The following MYT1L variants were observed in gnomAD, a reference collection of about 807,000 sequenced individuals.
MYT1L encodes myelin transcription factor 1 like.
Under a neutral mutation model 126.7 loss-of-function variants are expected in MYT1L, and 12 were observed. The observed-to-expected ratio is 0.09, with a 90% CI of 0.06 to 0.15. MYT1L has a LOEUF of 0.15. Among genes scored for constraint, MYT1L ranks in the 10% least tolerant of loss-of-function variants. MYT1L has a pLI of 1.00. For missense variants in MYT1L, 979 were observed against 1,585.2 expected (o/e 0.62, Z 6.49); for synonymous variants, 541 against 604.2 (o/e 0.90, Z 1.53).
intron 2 of MYT1L, among the ~76,000 whole-genome samples, chr2:2,201,137 A>T (rs2093054388): frequency 6.6e-6 from 1 of 152,180 alleles, no homozygotes; most frequent in Admixed American, 6.5e-5. Flanking sequence ...GAAAAGACCT[A>T]ACATTGAAAC....
chr2:2,151,518 T>C (rs934208020), intron 3 of MYT1L, among the ~76,000 whole-genome samples: 9 of 152,020 alleles, frequency 5.9e-5, no homozygotes, highest in African/African-American at 1.9e-4. Context: ...GAGTCCAGCA[T>C]TGAAAAATAG....
In MYT1L at chr2:1,934,221, G is replaced by A. The variant is rs193279705; in HGVS notation, c.505+8761C>T. On this transcript the variant is annotated intron_variant, in intron 9 of 24. Transcript: ENST00000647738. ...GATCTCCTGACCTCGTGATCCTCCC[G>A]CCTTGGCCTCCAAAGTGCTGGGATT... Among the ~76,000 whole-genome samples the A allele has an allele frequency of 3.6e-3, 541 of 150,528 alleles. 4 individuals carry two copies. Among genetic ancestry groups the A allele is most frequent in the African/African-American group, 0.013 (516 of 40,874 alleles).
chr2:2,220,932 T>C (rs929969818), intron 2 of MYT1L, among the ~76,000 whole-genome samples: 2 of 152,070 alleles, frequency 1.3e-5, no homozygotes, highest in Non-Finnish European at 2.9e-5. Flanking sequence ...ATTATGGTGA[T>C]GGTTTAAAAG....
At chr2:2,054,615 G>A (rs149035319) in intron 3 of MYT1L, among the ~76,000 whole-genome samples, 565 of 152,116 alleles carry the variant, frequency 3.7e-3, no homozygotes, top group Middle Eastern at 0.014. Flanking sequence ...GAGATGATAA[G>A]ACACATGGAG....
chr2:2,189,363 C>G (rs1041848683), intron 2 of MYT1L, among the ~76,000 whole-genome samples: 1 of 152,196 alleles, frequency 6.6e-6, no homozygotes, highest in Non-Finnish European at 1.5e-5. Flanking sequence ...ACTACATCAT[C>G]TGTGGGGTTG....
intron 18 of MYT1L, among the ~76,000 whole-genome samples, chr2:1,860,104 C>T (rs891815455): frequency 2.6e-5 from 4 of 152,214 alleles, no homozygotes; most frequent in Non-Finnish European, 4.4e-5. Context: ...GCTGCAGGGC[C>T]GAAAGGCGCC....
At chr2:1,835,275 T>G (rs2040731883) in intron 21 of MYT1L, among the ~76,000 whole-genome samples, 1 of 152,214 alleles carries the variant, frequency 6.6e-6, no homozygotes, top group South Asian at 2.1e-4. Flanking sequence ...CCACCTTCAA[T>G]GCACTCAGAA....
chr2:1,946,697 T>G (rs2149284366), intron 8 of MYT1L, among the ~76,000 whole-genome samples: 1 of 152,332 alleles, frequency 6.6e-6, no homozygotes, highest in South Asian at 2.1e-4. Flanking sequence ...AAAATTCATC[T>G]ATAGTCTACA....
At chr2:2,104,208 T>G (rs1269287040) in intron 3 of MYT1L, among the ~76,000 whole-genome samples, 1 of 152,112 alleles carries the variant, frequency 6.6e-6, no homozygotes, top group Non-Finnish European at 1.5e-5. Context: ...ATGCTCAAAA[T>G]GCATGAAATA....
At chr2:2,305,482 G>A (rs2095845738) in intron 1 of MYT1L, among the ~76,000 whole-genome samples, 1 of 152,126 alleles carries the variant, frequency 6.6e-6, no homozygotes, top group African/African-American at 2.4e-5. Flanking sequence ...TAAACAGGGA[G>A]GATTCCTTAT....
At chr2:1,794,623 C>T (rs2033028670) in intron 23 of MYT1L, among the ~76,000 whole-genome samples, 1 of 152,160 alleles carries the variant, frequency 6.6e-6, no homozygotes, top group African/African-American at 2.4e-5. Context: ...TAGATCCATT[C>T]CTCCTTCAAC....
chr2:2,153,387 C>T (rs961035729), intron 3 of MYT1L, among the ~76,000 whole-genome samples: 2 of 152,208 alleles, frequency 1.3e-5, no homozygotes, highest in African/African-American at 2.4e-5. Flanking sequence ...GAAACAGATA[C>T]CACCTGGGGC....
chr2:2,302,343 C>T (rs2095797895), intron 1 of MYT1L, among the ~76,000 whole-genome samples: 1 of 152,038 alleles, frequency 6.6e-6, no homozygotes, highest in African/African-American at 2.4e-5. Flanking sequence ...ATTTTTGGAC[C>T]AATCGATTTA....
intron 2 of MYT1L, among the ~76,000 whole-genome samples, chr2:2,245,903 G>A (rs1480836229): frequency 6.6e-6 from 1 of 152,228 alleles, no homozygotes; most frequent in African/African-American, 2.4e-5. Flanking sequence ...AAGCACACGG[G>A]TGGCCTCTAG....
intron 4 of MYT1L, among the ~76,000 whole-genome samples, chr2:2,018,600 C>T (rs768553712): frequency 9.2e-5 from 14 of 152,192 alleles, no homozygotes; most frequent in Non-Finnish European, 1.8e-4. Flanking sequence ...TGCTCTCCGC[C>T]GTTTATGGCA....
chr2:2,095,233 G>C (rs1045581763), intron 3 of MYT1L, among the ~76,000 whole-genome samples: 1 of 152,196 alleles, frequency 6.6e-6, no homozygotes, highest in African/African-American at 2.4e-5. Flanking sequence ...GGCTTTCTGG[G>C]ACACAGCAAT....
intron 1 of MYT1L, among the ~76,000 whole-genome samples, chr2:2,314,721 C>T (rs1018990407): frequency 2.0e-5 from 3 of 152,102 alleles, no homozygotes; most frequent in African/African-American, 7.2e-5. Flanking sequence ...TCCCTCAAGA[C>T]AATCCTAAGC....
chr2:2,065,054 C>G (rs942183525), intron 3 of MYT1L, among the ~76,000 whole-genome samples: 1 of 152,012 alleles, frequency 6.6e-6, no homozygotes, highest in Admixed American at 6.6e-5. Flanking sequence ...AAATGGTAGC[C>G]AGTCTTGGTG....
intron 3 of MYT1L, among the ~76,000 whole-genome samples, chr2:2,170,725 A>G (rs1278825246): frequency 6.6e-6 from 1 of 152,256 alleles, no homozygotes; most frequent in Non-Finnish European, 1.5e-5. Context: ...GAAAATAGAT[A>G]TTGACCATCC....
Sources: gnomAD v4.1 joint callset for allele counts (sites outside exome capture counted in the v4.1 genomes callset) on GRCh38, gnomAD v4.1.1 for gene constraint, MANE v1.5 for transcripts, NCBI Gene and HGNC (gene_info 2026-07-23, HGNC 2026-07-21) for gene names.